GRM8: variants seen among roughly 807,000 people sequenced by gnomAD.
GRM8 encodes glutamate metabotropic receptor 8, also known as metabotropic glutamate receptor 8.
Under a neutral mutation model 87.2 loss-of-function variants are expected in GRM8, and 47 were observed. The observed-to-expected ratio is 0.54, with a 90% CI of 0.43 to 0.69. The LOEUF (loss-of-function observed/expected upper bound fraction) is 0.69. Among genes scored for constraint, GRM8 ranks in the 30% least tolerant of loss-of-function variants. The pLI is 0.00. For synonymous variants in GRM8, 396 were observed against 404.5 expected (o/e 0.98, Z 0.25); for missense variants, 1,019 against 1,139.2 (o/e 0.89, Z 1.52).
chr7:127,093,494 C>T (rs1241879434), intron 3 of GRM8, among the ~76,000 whole-genome samples: 2 of 152,188 alleles, frequency 1.3e-5, no homozygotes, highest in Admixed American at 1.3e-4. Context: ...TTCTGAACAA[C>T]CCTATTTCCC....
At chr7:126,629,649 A>C (rs1015736125) in intron 7 of GRM8, among the ~76,000 whole-genome samples, 3 of 152,158 alleles carry the variant, frequency 2.0e-5, no homozygotes, top group Admixed American at 2.0e-4. Flanking sequence ...CTCTGACAAT[A>C]ATTTATGGAT....
At chr7:126,949,492 G>A (rs1303652218) in intron 3 of GRM8, among the ~76,000 whole-genome samples, 1 of 152,136 alleles carries the variant, frequency 6.6e-6, no homozygotes, top group East Asian at 1.9e-4. Flanking sequence ...ATGAGTACCA[G>A]AATCAAAATA....
At chr7:127,201,629 T>C (rs1795613740) in intron 2 of GRM8, among the ~76,000 whole-genome samples, 1 of 152,148 alleles carries the variant, frequency 6.6e-6, no homozygotes, top group African/African-American at 2.4e-5. Context: ...TGCAATAAAA[T>C]GCAAAATTTT....
chr7:126,449,001 A>G (rs928625970), intron 9 of GRM8, among the ~76,000 whole-genome samples: 13 of 151,850 alleles, frequency 8.6e-5, no homozygotes, highest in Non-Finnish European at 1.9e-4. Flanking sequence ...AAGTTTACCT[A>G]TATAACAAAC....
intron 6 of GRM8, among the ~76,000 whole-genome samples, chr7:126,890,011 T>C (rs1274158348): frequency 6.6e-6 from 1 of 152,104 alleles, no homozygotes; most frequent in Non-Finnish European, 1.5e-5. Context: ...TGATAGTCAT[T>C]AGCCACATTT....
intron 2 of GRM8, among the ~76,000 whole-genome samples, chr7:127,122,592 ATT>A (rs11348255): frequency 1.3e-5 from 2 of 151,684 alleles, no homozygotes; most frequent in Non-Finnish European, 2.9e-5. Context: ...ATGCCCTTTA[ATT>A]TTTTTTTAAT....
chr7:126,679,604 A>G (rs1585491141), intron 7 of GRM8, among the ~76,000 whole-genome samples: 1 of 152,352 alleles, frequency 6.6e-6, no homozygotes, highest in East Asian at 1.9e-4. Flanking sequence ...ACTCAGCTGT[A>G]ATTAGCAAAT....
intron 9 of GRM8, among the ~76,000 whole-genome samples, chr7:126,491,722 A>G (rs1167810023): frequency 2.0e-5 from 3 of 152,100 alleles, no homozygotes; most frequent in African/African-American, 7.2e-5. Flanking sequence ...CCATGTTAAC[A>G]ATAGGAAAGG....
At chr7:126,900,054 G>T (rs1339339658) in intron 6 of GRM8, among the ~76,000 whole-genome samples, 2 of 151,996 alleles carry the variant, frequency 1.3e-5, no homozygotes, top group African/African-American at 4.8e-5. Context: ...CCTGGTTCCT[G>T]CCCTTGAATT....
chr7:126,989,352 C>A (rs1222612120), intron 3 of GRM8, among the ~76,000 whole-genome samples: 1 of 152,100 alleles, frequency 6.6e-6, no homozygotes, highest in South Asian at 2.1e-4. Context: ...TAAAGGTTAA[C>A]AAGATAATAA....
chr7:126,699,182 C>T (rs532686486), intron 7 of GRM8, among the ~76,000 whole-genome samples: 1 of 152,220 alleles, frequency 6.6e-6, no homozygotes, highest in South Asian at 2.1e-4. Flanking sequence ...CTGTAAAACA[C>T]GATTGCCATC....
At chr7:126,931,882 G>A (rs1193825896) in intron 3 of GRM8, among the ~76,000 whole-genome samples, 1 of 152,084 alleles carries the variant, frequency 6.6e-6, no homozygotes, top group Non-Finnish European at 1.5e-5. Context: ...ATTTATCATG[G>A]TTGCTTTGAG....
At chr7:126,991,493 G>C (rs1362945961) in intron 3 of GRM8, among the ~76,000 whole-genome samples, 2 of 152,064 alleles carry the variant, frequency 1.3e-5, no homozygotes, top group African/African-American at 4.8e-5. Flanking sequence ...TTAAAAGGTA[G>C]GGCCTTTTAT....
intron 6 of GRM8, among the ~76,000 whole-genome samples, chr7:126,797,357 A>G (rs1315271771): frequency 1.3e-5 from 2 of 152,160 alleles, no homozygotes; most frequent in African/African-American, 4.8e-5. Flanking sequence ...TTTATCATCT[A>G]TTATTTACAT....
chr7:126,579,882 T>C (rs1275896696), intron 8 of GRM8, among the ~76,000 whole-genome samples: 2 of 152,228 alleles, frequency 1.3e-5, no homozygotes, highest in East Asian at 3.9e-4. Flanking sequence ...TGAAATGATA[T>C]ATCTCCCTTA....
At chr7:126,931,297 A>G (rs1454509087) in intron 3 of GRM8, among the ~76,000 whole-genome samples, 2 of 152,226 alleles carry the variant, frequency 1.3e-5, no homozygotes, top group Non-Finnish European at 2.9e-5. Context: ...GCTTTGAATC[A>G]GTACATGAAA....
At chr7:127,024,415 A>G (rs1035363081) in intron 3 of GRM8, among the ~76,000 whole-genome samples, 4 of 152,064 alleles carry the variant, frequency 2.6e-5, no homozygotes, top group African/African-American at 9.7e-5. Flanking sequence ...TTCTGTATTC[A>G]TCATTAACAA....
chr7:126,717,254 C>A (rs891084287), intron 7 of GRM8, among the ~76,000 whole-genome samples: 1 of 152,118 alleles, frequency 6.6e-6, no homozygotes, highest in Non-Finnish European at 1.5e-5. Flanking sequence ...TGGAGCTGAT[C>A]CCTGAGGCAA....
At chr7:126,554,585 C>T (rs10246061) in intron 8 of GRM8, among the ~76,000 whole-genome samples, 35,406 of 151,510 alleles carry the variant, frequency 0.23, 4,754 homozygotes, top group African/African-American at 0.38. Context: ...AGAATGAAAC[C>T]CTATTTCAAA....
Sources: gnomAD v4.1 joint callset for allele counts (sites outside exome capture counted in the v4.1 genomes callset) on GRCh38, gnomAD v4.1.1 for gene constraint, MANE v1.5 for transcripts, NCBI Gene and HGNC (gene_info 2026-07-23, HGNC 2026-07-21) for gene names.